ASIC2: variants seen among roughly 807,000 people sequenced by gnomAD.
ASIC2 encodes the protein acid sensing ion channel subunit 2.
In ASIC2, 25 loss-of-function variants were observed where a neutral mutation model predicts 57.3. That is an observed-to-expected ratio of 0.44 (90% CI 0.32 to 0.61). ASIC2 has a LOEUF of 0.61. Among genes scored for constraint, ASIC2 ranks in the 20% least tolerant of loss-of-function variants. ASIC2 has a pLI of 0.06. For missense variants in ASIC2, 641 were observed against 738.1 expected (o/e 0.87, Z 1.52); for synonymous variants, 319 against 307.5 (o/e 1.04, Z -0.39).
At chr17:33,921,060 T>C (rs111707194) in intron 1 of ASIC2, among the ~76,000 whole-genome samples, 9 of 152,334 alleles carry the variant, frequency 5.9e-5, no homozygotes, top group African/African-American at 2.2e-4. Flanking sequence ...AAATGTTAGC[T>C]AATGTCACTG....
intron 1 of ASIC2, among the ~76,000 whole-genome samples, chr17:33,587,275 C>T (rs1254613718): frequency 6.6e-6 from 1 of 152,188 alleles, no homozygotes; most frequent in East Asian, 1.9e-4. Flanking sequence ...TAAACCATAA[C>T]CCTAACAATG....
At chr17:34,133,096 T>C (rs1047676183) in intron 1 of ASIC2, among the ~76,000 whole-genome samples, 1 of 152,240 alleles carries the variant, frequency 6.6e-6, no homozygotes, top group African/African-American at 2.4e-5. Flanking sequence ...CCAGACTCAG[T>C]GTTGGGCATC....
chr17:33,054,506 T>C (rs1189388619), intron 3 of ASIC2, among the ~76,000 whole-genome samples: 2 of 152,324 alleles, frequency 1.3e-5, no homozygotes, highest in East Asian at 1.9e-4. Flanking sequence ...TGCAGTCATG[T>C]GAGGGAAATC....
At chr17:33,864,187 G>T (rs1042857076) in intron 1 of ASIC2, among the ~76,000 whole-genome samples, 1 of 152,082 alleles carries the variant, frequency 6.6e-6, no homozygotes, top group Non-Finnish European at 1.5e-5. Context: ...GATTATAGGC[G>T]TGAGCCACCC....
chr17:33,312,246 A>G (rs559827401), intron 1 of ASIC2, among the ~76,000 whole-genome samples: 3 of 152,334 alleles, frequency 2.0e-5, no homozygotes, highest in Admixed American at 1.3e-4. Flanking sequence ...ATAGTAAACA[A>G]GCTTTGAATG....
intron 1 of ASIC2, among the ~76,000 whole-genome samples, chr17:34,130,132 G>A (rs1598040762): frequency 6.6e-6 from 1 of 152,338 alleles, no homozygotes; most frequent in Non-Finnish European, 1.5e-5. Context: ...CATCATGAAA[G>A]GACTAAATTA....
chr17:33,613,466 A>C (rs1905483964), intron 1 of ASIC2, among the ~76,000 whole-genome samples: 1 of 146,370 alleles, frequency 6.8e-6, no homozygotes, highest in Non-Finnish European at 1.5e-5. Flanking sequence ...CCGGATTCAC[A>C]CCATTCTCCT....
At chr17:34,039,405 T>C (rs1908012949) in intron 1 of ASIC2, 3 of 1,613,402 alleles carry the variant, frequency 1.9e-6, no homozygotes, top group Non-Finnish European at 2.5e-6. Flanking sequence ...CAAGCCGAGG[T>C]TTTGCTAGCA....
intron 1 of ASIC2, among the ~76,000 whole-genome samples, chr17:34,085,871 G>C (rs1003781723): frequency 3.3e-5 from 5 of 151,576 alleles, no homozygotes; most frequent in Admixed American, 3.3e-4. Context: ...ATTTCTGTGG[G>C]ATCGGTGGTG....
chr17:33,799,458 C>CTTTCTTTCTTTA (rs1912057311), intron 1 of ASIC2, among the ~76,000 whole-genome samples: 13 of 102,756 alleles, frequency 1.3e-4, no homozygotes, highest in Non-Finnish European at 4.3e-5. Context: ...TTCTTTCTTT[C>CTTTCTTTCTTTA]TTTCTTTCTT....
chr17:33,856,418 C>G (rs1201114290), intron 1 of ASIC2, among the ~76,000 whole-genome samples: 4 of 19,748 alleles, frequency 2.0e-4, no homozygotes, highest in African/African-American at 5.1e-4. Context: ...TCAGTAGTAA[C>G]AGTAGTACTA....
chr17:33,781,828 T>A (rs565311673), intron 1 of ASIC2, among the ~76,000 whole-genome samples: 1 of 152,180 alleles, frequency 6.6e-6, no homozygotes, highest in African/African-American at 2.4e-5. Context: ...GCATCCTTGA[T>A]TCTTCCTTTA....
intron 3 of ASIC2, among the ~76,000 whole-genome samples, chr17:33,067,102 G>A (rs1343857364): frequency 1.3e-5 from 2 of 151,970 alleles, no homozygotes; most frequent in African/African-American, 4.8e-5. Flanking sequence ...GGCTCTCCGG[G>A]GCACTGACAA....
At chr17:34,142,409 G>A (rs927512989) in intron 1 of ASIC2, among the ~76,000 whole-genome samples, 8 of 152,186 alleles carry the variant, frequency 5.3e-5, no homozygotes, top group African/African-American at 1.2e-4. Context: ...AAGTTTGTGC[G>A]TAGGTGGGGA....
At chr17:33,336,673 G>A (rs897899248) in intron 1 of ASIC2, among the ~76,000 whole-genome samples, 11 of 152,180 alleles carry the variant, frequency 7.2e-5, no homozygotes, top group African/African-American at 1.9e-4. Flanking sequence ...AAGGCTGCCT[G>A]TGTCTGGCGG....
intron 1 of ASIC2, among the ~76,000 whole-genome samples, chr17:33,683,779 G>A (rs1908085452): frequency 6.6e-6 from 1 of 152,154 alleles, no homozygotes; most frequent in South Asian, 2.1e-4. Flanking sequence ...CTGGGCTCAA[G>A]CAATCCTCCC....
At chr17:33,498,104 T>C (rs982157063) in intron 1 of ASIC2, among the ~76,000 whole-genome samples, 1 of 152,188 alleles carries the variant, frequency 6.6e-6, no homozygotes, top group Admixed American at 6.5e-5. Context: ...TGGAAATGGA[T>C]AGAATCATCC....
intron 3 of ASIC2, among the ~76,000 whole-genome samples, chr17:33,072,382 C>T (rs1259351741): frequency 1.3e-5 from 2 of 152,198 alleles, no homozygotes; most frequent in Non-Finnish European, 2.9e-5. Flanking sequence ...GCAGAAGTCT[C>T]TGAAGTGGAA....
intron 1 of ASIC2, among the ~76,000 whole-genome samples, chr17:33,770,238 A>C (rs918015778): frequency 1.3e-5 from 2 of 152,186 alleles, no homozygotes; most frequent in African/African-American, 4.8e-5. Context: ...ACTGTGATGG[A>C]TGCTTTATTT....
Sources: allele counts gnomAD v4.1 joint callset (sites outside exome capture counted in the v4.1 genomes callset), GRCh38; gene constraint gnomAD v4.1.1; transcripts MANE v1.5; gene names NCBI Gene and HGNC (gene_info 2026-07-23, HGNC 2026-07-21).